TTLL1: variants seen among roughly 807,000 people sequenced by gnomAD.
TTLL1 encodes the protein polyglutamylase complex subunit TTLL1.
A neutral mutation model predicts 47.8 loss-of-function variants in TTLL1; 33 were observed. The observed-to-expected ratio is 0.69, with a 90% CI of 0.52 to 0.92. TTLL1 has a LOEUF of 0.92. TTLL1 is among the 40% of genes least tolerant of loss of function. The pLI is 0.00. For synonymous variants in TTLL1, 225 were observed against 214.1 expected (o/e 1.05, Z -0.45); for missense variants, 488 against 547.5 (o/e 0.89, Z 1.08).
Position 43,068,574 on chromosome 22 carries a change from G to C in TTLL1, c.339C>G (p.Thr113=). 3 of 1,503,592 alleles carry C rather than the reference G, an allele frequency of 2.0e-6. No homozygotes were observed. Among genetic ancestry groups the C allele is most frequent in the Middle Eastern group, 2.1e-4 (1 of 4,754 alleles). The allele number at this position is 1,503,592 out of a possible 1,614,324, so 93.1% of individuals were successfully genotyped here. The part of the protein sequence containing the change: ...KYLYLDFVPV[T]YMLPADYNLF... ...GGTTGTAGTCAGCGGGCAGCATATAGGTGACTGGAACAAAGTCTGCAAGGC... is the reference window on the plus strand; with the variant it reads ...GGTTGTAGTCAGCGGGCAGCATATACGTGACTGGAACAAAGTCTGCAAGGC... The change falls in exon 5 of 11, where the codon ACC becomes ACG. Residue 113 remains threonine (T), a synonymous_variant. Transcript: ENST00000266254.
At position 43,074,676 on chromosome 22, in the gene TTLL1, G is replaced by GAAAT. The variant is rs200522309; in HGVS notation, c.113+794_113+797dup. ...GGCAACATGGGAAGACTCTGCCTCT[G>GAAAT]AAATAAATAAATAAATAAATAAACA... On this transcript the variant is annotated intron_variant, in intron 3 of 10. Coordinates refer to ENST00000266254, the MANE Select transcript of TTLL1 (RefSeq NM_012263.5). Among the ~76,000 whole-genome samples the GAAAT allele has an allele frequency of 4.0e-4, 61 of 151,468 alleles. 2 individuals are homozygous for GAAAT. The highest frequency in any genetic ancestry group is 7.8e-4 in the East Asian group (4 of 5,140).
At chr22:43,074,823 T>C (rs1386825549) in intron 3 of TTLL1, among the ~76,000 whole-genome samples, 1 of 151,830 alleles carries the variant, frequency 6.6e-6, no homozygotes, top group Non-Finnish European at 1.5e-5. Flanking sequence ...GAAGGTCCCT[T>C]GAGGCCAGGA....
intron 10 of TTLL1, among the ~76,000 whole-genome samples, chr22:43,045,238 TG>T (rs1327670462): frequency 2.0e-5 from 3 of 152,118 alleles, no homozygotes; most frequent in Non-Finnish European, 4.4e-5. Flanking sequence ...ACACTCCTGA[TG>T]GGCTCTCACT....
chr22:43,084,223 T>G (rs562890627), intron 1 of TTLL1, among the ~76,000 whole-genome samples: 1 of 152,112 alleles, frequency 6.6e-6, no homozygotes, highest in African/African-American at 2.4e-5. Flanking sequence ...CAATCTTGGC[T>G]CACTGCAACC....
intron 3 of TTLL1, among the ~76,000 whole-genome samples, chr22:43,073,550 T>C (rs1928275431): frequency 1.3e-5 from 2 of 151,128 alleles, no homozygotes; most frequent in African/African-American, 2.4e-5. Context: ...GTGATGGGGT[T>C]TCACCAAGTT....
intron 10 of TTLL1, 187 bp from the exon 11 acceptor site, chr22:43,040,092 C>T: frequency 1.5e-6 from 1 of 663,580 alleles, no homozygotes; most frequent in Non-Finnish European, 2.5e-6. Context: ...TGCCAGGTGG[C>T]TCTCGCAGCC....
intron 8 of TTLL1, among the ~76,000 whole-genome samples, chr22:43,052,887 C>T (rs1047968070): frequency 2.6e-5 from 4 of 151,952 alleles, no homozygotes; most frequent in East Asian, 1.9e-4. Context: ...GGTGAAACCC[C>T]GTCTCTACTA....
At position 43,080,902 on chromosome 22, in the gene TTLL1, C is replaced by CTTTTTTTTTTTTTTT. The variant is rs10529079; in HGVS notation, c.-89-931_-89-917dup. Among the ~76,000 whole-genome samples the CTTTTTTTTTTTTTTT allele has an allele frequency of 1.3e-3, 87 of 69,288 alleles. 17 individuals carry two copies. The highest frequency in any genetic ancestry group is 1.6e-3 in the African/African-American group (28 of 17,430). The allele number at this position is 69,288 out of a possible 152,430, so 45.5% of individuals were successfully genotyped here. ...GTCACCTGTTCCCAGTGTTGCATGA[C>CTTTTTTTTTTTTTTT]TTTTTTTTTTTTTTTTTTTTTTTTT... On this transcript the variant is annotated intron_variant, in intron 1 of 10. Transcript: ENST00000266254.
chr22:43,053,063 A>AAAACAAAC (rs887550836), intron 8 of TTLL1, among the ~76,000 whole-genome samples: 1 of 152,134 alleles, frequency 6.6e-6, no homozygotes, highest in Non-Finnish European at 1.5e-5. Flanking sequence ...TCTGTCTCAA[A>AAAACAAAC]AAACAAACAA....
chr22:43,060,117 G>A lies in TTLL1; in HGVS notation c.748-590C>T, dbSNP rs565841008. Among the ~76,000 whole-genome samples, 37 of 152,262 alleles carry A rather than the reference G, an allele frequency of 2.4e-4. No homozygotes were observed. In the South Asian group the frequency reaches 7.5e-3, roughly 31 times the overall value. On this transcript the variant is annotated intron_variant, in intron 7 of 10. Transcript: ENST00000266254. ...GGCTTACTGCACTGTGAGCCACCGCGCTTGGCCTTCCGTGGGTATTTTAAA... is the reference window on the plus strand; with the variant it reads ...GGCTTACTGCACTGTGAGCCACCGCACTTGGCCTTCCGTGGGTATTTTAAA...
At chr22:43,078,253 T>C (rs1158324617) in intron 2 of TTLL1, among the ~76,000 whole-genome samples, 1 of 151,960 alleles carries the variant, frequency 6.6e-6, no homozygotes, top group East Asian at 1.9e-4. Flanking sequence ...CCCAGCACTT[T>C]GGGAGGCTGA....
At chr22:43,075,621 A>C in intron 2 of TTLL1, 31 bp from the exon 3 acceptor site, 1 of 1,583,672 alleles carries the variant, frequency 6.3e-7, no homozygotes, top group African/African-American at 1.3e-5. Context: ...AGAGATATGA[A>C]ACTTCAACAG....
In TTLL1 at chr22:43,064,163, G is replaced by A. The variant is rs537523996; in HGVS notation, c.638+27C>T. 375 of 1,600,748 alleles carry A rather than the reference G, an allele frequency of 2.3e-4. 4 individuals carry two copies. In the South Asian group the frequency reaches 4.0e-3, roughly 17 times the overall value. ...GTTTTGGGTGAAAACACAATCAAGA[G>A]GGAACCAAAACCTTAGGGACGCTTA... On this transcript the variant is annotated intron_variant, in intron 6 of 10. Coordinates refer to ENST00000266254, the MANE Select transcript of TTLL1 (RefSeq NM_012263.5).
In TTLL1 at chr22:43,071,405, TTTG is replaced by T. The variant is rs899681304; in HGVS notation, c.114-1564_114-1562del. On this transcript the variant is annotated intron_variant, in intron 3 of 10. Coordinates refer to ENST00000266254, the MANE Select transcript of TTLL1 (RefSeq NM_012263.5). ...ATCCAGCACTTTTGTTTTGTTTTGT[TTTG>T]TTTTGTTTATTTGTTTTTGGAGATA... Among the ~76,000 whole-genome samples, 11 of 152,036 alleles carry T rather than the reference TTTG, an allele frequency of 7.2e-5. 1 individual carries two copies. The highest frequency in any genetic ancestry group is 2.2e-4 in the African/African-American group (9 of 41,452).
intron 10 of TTLL1, among the ~76,000 whole-genome samples, chr22:43,042,066 G>T (rs906747682): frequency 6.6e-6 from 1 of 152,092 alleles, no homozygotes; most frequent in South Asian, 2.1e-4. Context: ...CCCCTACCCC[G>T]TGGGGACTCC....
At chr22:43,068,823 A>G (rs889001598) in intron 4 of TTLL1, among the ~76,000 whole-genome samples, 2 of 152,164 alleles carry the variant, frequency 1.3e-5, no homozygotes. Context: ...CCCCACGGCC[A>G]CCTGGGAGCT....
chr22:43,069,950 T>C, intron 3 of TTLL1, 106 bp from the exon 4 acceptor site: 1 of 1,469,744 alleles, frequency 6.8e-7, no homozygotes, highest in Non-Finnish European at 9.1e-7. Context: ...CCTTCACCAC[T>C]ACTCCCACAT....
chr22:43,071,321 C>A (rs1928104455), intron 3 of TTLL1, among the ~76,000 whole-genome samples: 1 of 152,200 alleles, frequency 6.6e-6, no homozygotes, highest in Non-Finnish European at 1.5e-5. Flanking sequence ...GATTCTTTCC[C>A]TTTATTTATC....
chr22:43,052,124 G>A (rs575090431), intron 8 of TTLL1: 33 of 517,560 alleles, frequency 6.4e-5, no homozygotes, highest in Admixed American at 1.2e-4. Flanking sequence ...GCATCTCTGC[G>A]TCTCACTCAT....
Sources: allele counts gnomAD v4.1 joint callset (sites outside exome capture counted in the v4.1 genomes callset), GRCh38; gene constraint gnomAD v4.1.1; transcripts MANE v1.5; gene names NCBI Gene and HGNC (gene_info 2026-07-23, HGNC 2026-07-21).